Variants in BECN1 observed in about 807,000 individuals in gnomAD.
BECN1 encodes the protein beclin 1.
In BECN1, 15 loss-of-function variants were observed where a neutral mutation model predicts 60.1. The ratio of observed to expected loss-of-function variants is 0.25; its 90% CI spans 0.17 to 0.38. BECN1 has a LOEUF of 0.38. Ranked by LOEUF, BECN1 falls within the 10% of genes least tolerant of loss-of-function variation. BECN1 has a pLI of 1.00. For missense variants in BECN1, 424 were observed against 548.2 expected, an observed-to-expected ratio of 0.77 and a Z score of 2.26; for synonymous variants, 179 against 201.8, an observed-to-expected ratio of 0.89 and a Z score of 0.96.
At chr17:42,813,063 C>G (rs2055064878) in intron 10 of BECN1, among the ~76,000 whole-genome samples, 1 of 146,104 alleles carries the variant, frequency 6.8e-6, no homozygotes, top group Non-Finnish European at 1.5e-5. Context: ...CCAGGATGGT[C>G]TCAATCTCCT....
chr17:42,812,826 CTTTTTTTTTTTTTTTTT>C lies in BECN1; in HGVS notation c.1042-1046_1042-1030del, dbSNP rs753997510. 1.2e-4 allele frequency: 12 copies of C among 97,172 alleles called. No homozygotes were observed. In the South Asian group the frequency reaches 4.0e-3, roughly 33 times the overall value. The allele number at this position is 97,172 out of a possible 1,614,324, so 6.0% of individuals were successfully genotyped here. A position where few individuals can be genotyped will look rare whatever the true frequency, so the allele number is the denominator to read the frequency against. On this transcript the variant is annotated intron_variant, in intron 10 of 11. Transcript: ENST00000590099. ...GAAAATTCCATACCTGATACCTTTG[CTTTTTTTTTTTTTTTTT>C]TTTTTTTTTGAGACAGAGGCTTGCT...
chr17:42,823,587 C>T, intron 2 of BECN1, 161 bp downstream of exon 2: 2 of 1,089,446 alleles, frequency 1.8e-6, no homozygotes, highest in African/African-American at 1.6e-5. Context: ...TGTCAGAATG[C>T]TTTATGTTTC....
At chr17:42,821,863 CTT>C (rs1426172039) in intron 2 of BECN1, among the ~76,000 whole-genome samples, 3 of 152,284 alleles carry the variant, frequency 2.0e-5, no homozygotes, top group African/African-American at 7.2e-5. Context: ...ATGCTATTCT[CTT>C]GACTATATAT....
At chr17:42,816,304 G>T (rs2055144492) in intron 7 of BECN1, among the ~76,000 whole-genome samples, 1 of 152,070 alleles carries the variant, frequency 6.6e-6, no homozygotes, top group Admixed American at 6.6e-5. Flanking sequence ...CCAAACCAGG[G>T]CAAAAAACCT....
At chr17:42,818,110 C>A in intron 7 of BECN1, 111 bp downstream of exon 7, 1 of 1,181,594 alleles carries the variant, frequency 8.5e-7, no homozygotes, top group Non-Finnish European at 1.2e-6. Context: ...GGCAGGCATG[C>A]TGCTGACTGA....
At position 42,815,961 on chromosome 17, in the gene BECN1, C is replaced by A; in HGVS notation, c.777G>T (p.Thr259=). Reference sequence around the variant, plus strand: ...TGGTTTTCTTCAGCTTATCCAGCTGCGTCTGGGCATAACGCATCTGGTTTT... The same window carrying A: ...TGGTTTTCTTCAGCTTATCCAGCTGAGTCTGGGCATAACGCATCTGGTTTT... The part of the protein sequence containing the change: ...SVENQMRYAQ[T]QLDKLKKTNV... The change falls in exon 8 of 12, where the codon ACG becomes ACT. Residue 259 remains threonine (T), a synonymous_variant. Transcript: ENST00000590099. The A allele has an allele frequency of 6.2e-7, 1 of 1,614,146 alleles. No individual in the cohort carries two copies. The highest frequency in any genetic ancestry group is 1.3e-5 in the African/African-American group (1 of 75,034).
rs1396045512 is a variant in BECN1, at chr17:42,824,183, T to G, written c.-31A>C. The G allele has an allele frequency of 2.3e-6, 1 of 427,452 alleles. No homozygotes were observed. Among genetic ancestry groups the G allele is most frequent in the Non-Finnish European group, 4.2e-6 (1 of 240,956 alleles). The allele number at this position is 427,452 out of a possible 1,614,324, so 26.5% of individuals were successfully genotyped here. A position where few individuals can be genotyped will look rare whatever the true frequency, so the allele number is the denominator to read the frequency against. ...GGGAGCCCGGAGCCCGTCACCCAAG[T>G]CCGGTCTACCGCGGAGGCACTGTGG... is the stretch of plus-strand genomic sequence containing the variant. On this transcript the variant is annotated 5_prime_UTR_variant, in exon 1 of 12. Transcript: ENST00000590099.
At chr17:42,811,507 G>T in intron 11 of BECN1, 148 bp downstream of exon 11, 1 of 993,152 alleles carries the variant, frequency 1.0e-6, no homozygotes, top group Non-Finnish European at 1.5e-6. Flanking sequence ...GCAGTACTGG[G>T]TCAGTCTCTG....
rs745822512 is a variant in BECN1 at position 42,810,746 on chromosome 17, C to G, written c.*14G>C. The G allele has an allele frequency of 1.4e-5, 23 of 1,587,312 alleles. No homozygotes were observed. Among genetic ancestry groups the G allele is most frequent in the Admixed American group, 1.8e-5 (1 of 54,994 alleles). On this transcript the variant is annotated 3_prime_UTR_variant, in exon 12 of 12. Transcript: ENST00000590099. ...TAAAAGCCTTTAAGGCAAACCTCCC[C>G]CTAAGGAAAAAAGTCATTTGTTATA...
chr17:42,810,742 TC>T lies in BECN1; in HGVS notation c.*17del. The T allele has an allele frequency of 3.2e-6, 5 of 1,582,646 alleles. No homozygotes were observed. Among genetic ancestry groups the T allele is most frequent in the Non-Finnish European group, 4.3e-6 (5 of 1,165,780 alleles). On this transcript the variant is annotated 3_prime_UTR_variant, in exon 12 of 12. Transcript: ENST00000590099. ...AAATTAAAAGCCTTTAAGGCAAACC[TC>T]CCCCTAAGGAAAAAAGTCATTTGTT...
intron 10 of BECN1, chr17:42,812,825 G>GTTTT: frequency 7.6e-6 from 1 of 131,282 alleles, no homozygotes; most frequent in African/African-American, 3.0e-5. Context: ...TGATACCTTT[G>GTTTT]CTTTTTTTTT....
At chr17:42,814,921 C>A in intron 8 of BECN1, 1 of 521,592 alleles carries the variant, frequency 1.9e-6, no homozygotes, top group Non-Finnish European at 3.4e-6. Context: ...AAACTGCCAA[C>A]CTCTCCTGAT....
At chr17:42,820,917 T>C in intron 2 of BECN1, 76 bp from the exon 3 acceptor site, 1 of 1,342,984 alleles carries the variant, frequency 7.4e-7, no homozygotes, top group Non-Finnish European at 1.0e-6. Context: ...GGGAAAAGAA[T>C]GTGAAATATT....
At position 42,818,687 on chromosome 17, in the gene BECN1, G is replaced by T. The variant is rs781154295; in HGVS notation, c.352-7C>A. 6.2e-7 allele frequency: 1 copy of T among 1,614,156 alleles called. No individual in the cohort carries two copies. Among genetic ancestry groups the T allele is most frequent in the Non-Finnish European group, 8.5e-7 (1 of 1,179,986 alleles). On this transcript the variant is annotated splice_region_variant and splice_polypyrimidine_tract_variant and intron_variant, in intron 5 of 11. Transcript: ENST00000590099. ...CAAAAAGGTCCCCAGTGACCTGGAA[G>T]TGTGGGAGAGTCAGGGTAGGGCCTC...
At chr17:42,811,623 T>C (rs775854722) in intron 11 of BECN1, 32 bp downstream of exon 11, 3 of 1,596,174 alleles carry the variant, frequency 1.9e-6, no homozygotes, top group South Asian at 1.1e-5. Flanking sequence ...TTTGGTCCTA[T>C]ACAAGTTCAC....
chr17:42,824,027 A>T (rs1320655102), intron 1 of BECN1, 128 bp downstream of exon 1: 17 of 1,050,366 alleles, frequency 1.6e-5, no homozygotes, highest in Non-Finnish European at 2.3e-5. Context: ...TACGGGGAGG[A>T]CCTGCTTCCG....
rs371381152 is a variant in BECN1, at chr17:42,823,736, G to C, written c.130+12C>G. 1.9e-6 allele frequency: 3 copies of C among 1,612,774 alleles called. No individual in the cohort carries two copies. On this transcript the variant is annotated intron_variant, in intron 2 of 11. Coordinates refer to ENST00000590099, the MANE Select transcript of BECN1 (RefSeq NM_001313998.2). ...CATTCTTGACCACCCTCTTTCCAAG[G>C]GTCTCGCTGACCTGTGAGTTCCTGG...
intron 5 of BECN1, 31 bp from the exon 6 acceptor site, chr17:42,818,711 T>C (rs774632957): frequency 1.2e-6 from 2 of 1,613,814 alleles, no homozygotes. Flanking sequence ...GGGTAGGGCC[T>C]CCCCCATGCT....
chr17:42,823,862 T>C lies in BECN1; in HGVS notation c.16A>G (p.Thr6Ala). The C allele has an allele frequency of 6.2e-7, 1 of 1,614,006 alleles. No homozygotes were observed. The highest frequency in any genetic ancestry group is 1.1e-5 in the South Asian group (1 of 91,070). ...ACCTGCATGGTGCTGTTGTTGGACG[T>C]CTTAGACCCTTCCATCCCTGAGGCC... MEGSKTSNNSTMQVSF... is the reference protein window; with the variant it reads MEGSKASNNSTMQVSF... The change falls in exon 2 of 12, where the codon ACG becomes GCG. Residue 6 changes from threonine (T) to alanine (A), a missense_variant. Transcript: ENST00000590099.
Sources: allele counts gnomAD v4.1 joint callset (sites outside exome capture counted in the v4.1 genomes callset), GRCh38; gene constraint gnomAD v4.1.1; transcripts MANE v1.5; gene names NCBI Gene and HGNC (gene_info 2026-07-23, HGNC 2026-07-21).